The following ZNF423 variants were observed in gnomAD, a reference collection of about 807,000 sequenced individuals.
ZNF423 encodes zinc finger protein 423.
A neutral mutation model predicts 95.8 loss-of-function variants in ZNF423; 12 were observed. The observed-to-expected ratio is 0.13, with a 90% confidence interval of 0.08 to 0.20. The LOEUF (loss-of-function observed/expected upper bound fraction) is 0.20. Among genes scored for constraint, ZNF423 ranks in the 10% least tolerant of loss-of-function variants. ZNF423 has a pLI of 1.00. For missense variants in ZNF423, 1,316 were observed against 1,737.1 expected (o/e 0.76, Z 4.31); for synonymous variants, 749 against 711.9 (o/e 1.05, Z -0.83).
At chr16:49,768,649 T>C (rs2033973834) in intron 2 of ZNF423, among the ~76,000 whole-genome samples, 1 of 152,080 alleles carries the variant, frequency 6.6e-6, no homozygotes, top group Non-Finnish European at 1.5e-5. Flanking sequence ...TCCTTCAACG[T>C]CGATGTCCCA....
At chr16:49,507,606 CA>C (rs1967697373) in intron 7 of ZNF423, among the ~76,000 whole-genome samples, 1 of 148,830 alleles carries the variant, frequency 6.7e-6, no homozygotes, top group African/African-American at 2.5e-5. Flanking sequence ...CTCAAACACT[CA>C]AACCCAAATG....
At position 49,637,951 on chromosome 16, in the gene ZNF423, C is replaced by T. The variant is rs757406757; in HGVS notation, c.1225G>A (p.Gly409Arg). The stretch of plus-strand genomic sequence containing the variant: ...TAGACCACCTTGGTCCAGCCCTGCC[C>T]GTCATCCCGCATCTTCTTCTGCCCC... ...LRGQKKMRDDGQGWTKVVYSC... is the reference protein window; with the variant it reads ...LRGQKKMRDDRQGWTKVVYSC... The change falls in exon 4 of 8, where the codon GGG becomes AGG. Residue 409 changes from glycine (G) to arginine (R), a missense_variant. Gly to Arg is a moderately radical substitution (Grantham distance 125). This residue lies in a region of ZNF423 where 399 missense variants were observed against 478.5 expected (regional missense o/e 0.83). Coordinates refer to ENST00000563137, the MANE Select transcript of ZNF423 (RefSeq NM_001379286.1). This position sits in a 1 kb window ranked among gnomAD's most constrained non-coding sequence, Gnocchi z 5.6. 20 of 1,614,000 alleles carry T rather than the reference C, an allele frequency of 1.2e-5. No homozygotes were observed. The highest frequency in any genetic ancestry group is 1.6e-4 in the Middle Eastern group (1 of 6,084).
intron 1 of ZNF423, among the ~76,000 whole-genome samples, chr16:49,791,894 C>T (rs1456439387): frequency 1.3e-5 from 2 of 149,794 alleles, no homozygotes; most frequent in Non-Finnish European, 3.0e-5. Context: ...CTCAGCTACT[C>T]GGGAGGCTAA....
intron 7 of ZNF423, among the ~76,000 whole-genome samples, chr16:49,517,220 T>C (rs773473535): frequency 3.9e-5 from 6 of 152,208 alleles, no homozygotes; most frequent in Admixed American, 2.0e-4. Context: ...AATCCACTCA[T>C]GTCCCTACAG....
rs981146650 is a variant in ZNF423, at chr16:49,795,050, G to A, written c.41-5504C>T. 9.9e-5 allele frequency among the ~76,000 whole-genome samples: 15 copies of A among 151,778 alleles called. 1 individual carries two copies. The highest frequency in any genetic ancestry group is 3.6e-4 in the African/African-American group (15 of 41,300). ...CCATGCCCGGCTAAATTTTGTATTT[G>A]TAGTAGAAACGGGGCTTCACCATGT... is the stretch of plus-strand genomic sequence containing the variant. On this transcript the variant is annotated intron_variant, in intron 1 of 7. Transcript: ENST00000563137.
intron 3 of ZNF423, among the ~76,000 whole-genome samples, chr16:49,654,876 G>A (rs973536508): frequency 6.6e-6 from 1 of 152,200 alleles, no homozygotes; most frequent in Admixed American, 6.5e-5. Context: ...GCTCATGTCT[G>A]GAATAGTGTG....
intron 5 of ZNF423, among the ~76,000 whole-genome samples, chr16:49,547,615 C>T (rs933506353): frequency 3.9e-5 from 6 of 152,190 alleles, no homozygotes; most frequent in Admixed American, 1.3e-4. Context: ...TGGGCCCTGG[C>T]GGGGAACCTC....
intron 5 of ZNF423, among the ~76,000 whole-genome samples, chr16:49,558,896 G>T (rs751015606): frequency 2.6e-5 from 4 of 152,280 alleles, no homozygotes; most frequent in East Asian, 1.9e-4. Flanking sequence ...CGGGGTTTTG[G>T]GGGGGTCCCA....
At position 49,523,661 on chromosome 16, in the gene ZNF423, T is replaced by C. The variant is rs2151705854; in HGVS notation, c.3812A>G (p.Gln1271Arg). 1 of 1,614,228 alleles carries C rather than the reference T, an allele frequency of 6.2e-7. No individual in the cohort carries two copies. The highest frequency in any genetic ancestry group is 8.5e-7 in the Non-Finnish European group (1 of 1,180,042). Residue 1271 changes from glutamine (Q) to arginine (R), a missense_variant, in exon 7 of 8, where the codon CAG becomes CGG. This residue lies in a region of ZNF423 where 75 missense variants were observed against 163.5 expected (regional missense o/e 0.46). Coordinates refer to ENST00000563137, the MANE Select transcript of ZNF423 (RefSeq NM_001379286.1). Reference sequence around the variant, plus strand: ...CTGGAAGAAGAACTTCTGAGGGCACTGTGAGCAGTCGTAGATCTTGTCCTC... The same window carrying C: ...CTGGAAGAAGAACTTCTGAGGGCACCGTGAGCAGTCGTAGATCTTGTCCTC... ...GQEDKIYDCS[Q>R]CPQKFFFQTE... is the part of the protein sequence containing the mutation.
At chr16:49,536,402 G>A (rs1276357486) in intron 5 of ZNF423, among the ~76,000 whole-genome samples, 1 of 150,454 alleles carries the variant, frequency 6.6e-6, no homozygotes, top group Admixed American at 6.6e-5. Context: ...AGTAGTTACT[G>A]GCCACCTGTG....
At chr16:49,553,088 CA>C (rs1969700830) in intron 5 of ZNF423, among the ~76,000 whole-genome samples, 1 of 152,044 alleles carries the variant, frequency 6.6e-6, no homozygotes, top group African/African-American at 2.4e-5. Flanking sequence ...AAATATCAAA[CA>C]AGCTTTCTGG....
intron 3 of ZNF423, among the ~76,000 whole-genome samples, chr16:49,671,515 C>T (rs1411493918): frequency 3.3e-5 from 5 of 152,102 alleles, no homozygotes; most frequent in Admixed American, 6.5e-5. Flanking sequence ...GCAAACGAGC[C>T]CTCCCACCAC....
rs552462065 is a variant in ZNF423 at position 49,801,202 on chromosome 16, G to A, written c.41-11656C>T. On this transcript the variant is annotated intron_variant, in intron 1 of 7. Coordinates refer to ENST00000563137, the MANE Select transcript of ZNF423 (RefSeq NM_001379286.1). ...GTGCCCTGCCACAGCCTGCCTCTCTGTGCTGGTCCCACGTGGGTGAGGAGA... is the reference window on the plus strand; with the variant it reads ...GTGCCCTGCCACAGCCTGCCTCTCTATGCTGGTCCCACGTGGGTGAGGAGA... 3.1e-3 allele frequency among the ~76,000 whole-genome samples: 467 copies of A among 152,308 alleles called. 1 individual carries two copies. Among genetic ancestry groups the A allele is most frequent in the African/African-American group, 0.011 (440 of 41,566 alleles).
At chr16:49,713,780 G>A (rs1338308938) in intron 3 of ZNF423, among the ~76,000 whole-genome samples, 1 of 152,262 alleles carries the variant, frequency 6.6e-6, no homozygotes, top group African/African-American at 2.4e-5. Flanking sequence ...ATTCGAGGAA[G>A]CAGTGTGAAA....
intron 3 of ZNF423, among the ~76,000 whole-genome samples, chr16:49,703,658 G>A (rs942618002): frequency 6.6e-6 from 1 of 152,370 alleles, no homozygotes; most frequent in African/African-American, 2.4e-5. Flanking sequence ...TAGCAGGGGA[G>A]CCCCATGGGG....
intron 5 of ZNF423, among the ~76,000 whole-genome samples, chr16:49,580,999 C>T (rs1970654678): frequency 6.6e-6 from 1 of 152,158 alleles, no homozygotes; most frequent in South Asian, 2.1e-4. Context: ...GATGTACGCT[C>T]CAGCCGTGAT....
chr16:49,733,279 C>T (rs557095610), intron 2 of ZNF423, among the ~76,000 whole-genome samples: 5 of 152,260 alleles, frequency 3.3e-5, no homozygotes, highest in South Asian at 2.1e-4. Flanking sequence ...TCTACTACAC[C>T]GACCCTCCAG....
chr16:49,637,565 C>T lies in ZNF423; in HGVS notation c.1611G>A (p.Glu537=). 1.9e-6 allele frequency: 3 copies of T among 1,613,956 alleles called. No homozygotes were observed. Among genetic ancestry groups the T allele is most frequent in the Non-Finnish European group, 2.5e-6 (3 of 1,179,996 alleles). Residue 537 remains glutamate (E), a synonymous_variant, in exon 4 of 8, where the codon GAG becomes GAA. Coordinates refer to ENST00000563137, the MANE Select transcript of ZNF423 (RefSeq NM_001379286.1). The surrounding 1 kb of genome is among the most constrained non-coding windows in gnomAD (Gnocchi z 5.6). The part of the protein sequence containing the change: ...CNQCSMGFLT[E]SSLTEHIQQA... ...GCTGGATGTGCTCGGTGAGGGAGGA[C>T]TCAGTAAGGAAACCCATGGAGCACT...
chr16:49,538,354 T>G (rs1969126214), intron 5 of ZNF423, among the ~76,000 whole-genome samples: 1 of 152,196 alleles, frequency 6.6e-6, no homozygotes, highest in Non-Finnish European at 1.5e-5. Context: ...CTTGCCTTTT[T>G]CCTACTTGGA....
Sources: allele counts gnomAD v4.1 joint callset (sites outside exome capture counted in the v4.1 genomes callset), GRCh38; gene constraint gnomAD v4.1.1; regional missense constraint gnomAD v4.1.1; non-coding constraint Gnocchi (gnomAD v3.1); transcripts MANE v1.5; gene names NCBI Gene and HGNC (gene_info 2026-07-23, HGNC 2026-07-21).